Variants in GNA11 observed in about 807,000 individuals in gnomAD.
The protein encoded by GNA11 is G protein subunit alpha 11, also known as guanine nucleotide-binding protein subunit alpha-11.
In GNA11, 8 loss-of-function variants were observed where a neutral mutation model predicts 38.2. That is an observed-to-expected ratio of 0.21 (90% CI 0.12 to 0.38). The LOEUF (loss-of-function observed/expected upper bound fraction) is 0.38, where lower values mean the gene tolerates loss of function less well. GNA11 is among the 10% of genes least tolerant of loss of function. GNA11 has a pLI of 1.00. For missense variants in GNA11, 268 were observed against 516.3 expected (o/e 0.52, Z 4.66); for synonymous variants, 211 against 221.4 (o/e 0.95, Z 0.42).
intron 2 of GNA11, among the ~76,000 whole-genome samples, chr19:3,111,592 G>A (rs1913777362): frequency 2.0e-5 from 3 of 152,236 alleles, no homozygotes; most frequent in Non-Finnish European, 4.4e-5. Flanking sequence ...GCCTTCATGT[G>A]TGGGCTGTTG....
Position 3,094,939 on chromosome 19 carries a change from C to T in GNA11, c.136+152C>T, listed in dbSNP as rs1473782619. 6.1e-6 allele frequency: 3 copies of T among 495,634 alleles called. No individual in the cohort carries two copies. The highest frequency in any genetic ancestry group is 1.0e-5 in the Non-Finnish European group (3 of 293,246). The allele number at this position is 495,634 out of a possible 1,614,324, so 30.7% of individuals were successfully genotyped here. On this transcript the variant is annotated intron_variant, in intron 1 of 6. Transcript: ENST00000078429. The surrounding 1 kb of genome is among the most constrained non-coding windows in gnomAD (Gnocchi z 6.0). ...CGGGGTCAGCCCTGCCTGTGCCTTC[C>T]CTGCCTGTCCGGGTCGCGGGACCCT...
chr19:3,099,988 G>A (rs1271928852), intron 1 of GNA11, among the ~76,000 whole-genome samples: 2 of 151,630 alleles, frequency 1.3e-5, no homozygotes, highest in African/African-American at 4.8e-5. Context: ...CCATCCTGCC[G>A]CACGTGGGGA....
rs767308128 is a variant in GNA11, at chr19:3,119,046, A to G, written c.728A>G (p.Asp243Gly). ...TACGACCAAGTCCTGGTGGAGTCGG[A>G]CAACGAGGTGGGCCCTGCCCTGAGC... ...SEYDQVLVES[D>G]NENRMEESKA... Residue 243 changes from aspartate (D) to glycine (G), a missense_variant, in exon 5 of 7, where the codon GAC (aspartate) becomes GGC (glycine). Asp to Gly is a moderately conservative substitution (Grantham distance 94). Coordinates refer to ENST00000078429, the MANE Select transcript of GNA11 (RefSeq NM_002067.5). This position sits in a 1 kb window ranked among gnomAD's most constrained non-coding sequence, Gnocchi z 4.6. The G allele has an allele frequency of 3.1e-6, 5 of 1,613,790 alleles. No individual in the cohort carries two copies. In the South Asian group the frequency reaches 4.4e-5, roughly 14 times the overall value.
At chr19:3,099,783 C>T (rs1599296273) in intron 1 of GNA11, among the ~76,000 whole-genome samples, 2 of 152,196 alleles carry the variant, frequency 1.3e-5, no homozygotes, top group Non-Finnish European at 2.9e-5. Flanking sequence ...TGCCGACAGG[C>T]GCTTTCAGGA....
chr19:3,105,358 A>G (rs1022496507), intron 1 of GNA11, among the ~76,000 whole-genome samples: 2 of 114,980 alleles, frequency 1.7e-5, no homozygotes, highest in African/African-American at 6.9e-5. Context: ...ATGGTTCTGG[A>G]GGCTGGACGT....
At chr19:3,098,310 G>C (rs2084729477) in intron 1 of GNA11, among the ~76,000 whole-genome samples, 1 of 152,246 alleles carries the variant, frequency 6.6e-6, no homozygotes, top group South Asian at 2.1e-4. Flanking sequence ...CCGCCATCCT[G>C]GGGTCCGCCC....
chr19:3,101,051 C>T (rs765297947), intron 1 of GNA11, among the ~76,000 whole-genome samples: 12 of 152,120 alleles, frequency 7.9e-5, no homozygotes, highest in South Asian at 2.1e-4. Context: ...TGTCTGACCT[C>T]GGAGTTGGTG....
intron 3 of GNA11, among the ~76,000 whole-genome samples, 182 bp from the exon 4 acceptor site, chr19:3,114,762 C>T (rs990908598): frequency 2.0e-5 from 3 of 152,194 alleles, no homozygotes; most frequent in Admixed American, 6.5e-5. Context: ...GCTCGTATCC[C>T]GACCCCAGGG....
At chr19:3,115,278 A>ACG in intron 4 of GNA11, 1 of 515,942 alleles carries the variant, frequency 1.9e-6, no homozygotes, top group Non-Finnish European at 3.4e-6. Flanking sequence ...GGTTGTGTGC[A>ACG]CCTGTGGTCC....
chr19:3,097,166 G>A (rs1387818925), intron 1 of GNA11, among the ~76,000 whole-genome samples: 2 of 152,080 alleles, frequency 1.3e-5, no homozygotes, highest in African/African-American at 2.4e-5. Flanking sequence ...CAGCTAGAGG[G>A]TGGGGCCGAG....
rs1021225065 is a variant in GNA11 at position 3,123,499 on chromosome 19, G to A, written c.*2320G>A. 2 of 233,214 alleles carry A rather than the reference G, an allele frequency of 8.6e-6. No homozygotes were observed. Among genetic ancestry groups the A allele is most frequent in the African/African-American group, 4.4e-5 (2 of 45,370 alleles). The allele number at this position is 233,214 out of a possible 1,614,324, so 14.4% of individuals were successfully genotyped here. A position where few individuals can be genotyped will look rare whatever the true frequency, so the allele number is the denominator to read the frequency against. On this transcript the variant is annotated 3_prime_UTR_variant, in exon 7 of 7. Transcript: ENST00000078429. ...CCCTTGCCACGTGTGGGGCCACGTGGGCATGTGGGGTGTGTGTTTTTACCT... is the reference window on the plus strand; with the variant it reads ...CCCTTGCCACGTGTGGGGCCACGTGAGCATGTGGGGTGTGTGTTTTTACCT...
intron 1 of GNA11, among the ~76,000 whole-genome samples, chr19:3,100,924 G>C (rs907029078): frequency 6.6e-6 from 1 of 152,186 alleles, no homozygotes; most frequent in Non-Finnish European, 1.5e-5. Flanking sequence ...TGGCTGCTTT[G>C]CACCGAAAAG....
chr19:3,098,109 G>A (rs1014988176), intron 1 of GNA11, among the ~76,000 whole-genome samples: 1 of 152,198 alleles, frequency 6.6e-6, no homozygotes. Context: ...CGTCAAAGCC[G>A]TGTGTGTGTG....
Position 3,120,374 on chromosome 19 carries a change from C to T in GNA11, c.890-615C>T, listed in dbSNP as rs558144073. ...GGAGGCCAAGGGACTGGGGCATAGA[C>T]CCCTGTCCCACCAGTCCCCAGAGCA... is the stretch of plus-strand genomic sequence containing the variant. On this transcript the variant is annotated intron_variant, in intron 6 of 6. Coordinates refer to ENST00000078429, the MANE Select transcript of GNA11 (RefSeq NM_002067.5). This position sits in a 1 kb window ranked among gnomAD's most constrained non-coding sequence, Gnocchi z 5.9. Among the ~76,000 whole-genome samples the T allele has an allele frequency of 6.6e-6, 1 of 152,092 alleles. No individual in the cohort carries two copies. Among genetic ancestry groups the T allele is most frequent in the Non-Finnish European group, 1.5e-5 (1 of 67,988 alleles).
chr19:3,112,833 A>G (rs1244246606), intron 2 of GNA11, among the ~76,000 whole-genome samples: 8 of 152,232 alleles, frequency 5.3e-5, no homozygotes, highest in African/African-American at 1.7e-4. Context: ...CCGAGTCTGG[A>G]GCTGCACACT....
In GNA11 at chr19:3,110,255, G is replaced by A. The variant is rs1261175462; in HGVS notation, c.243G>A (p.Gln81=). The A allele has an allele frequency of 3.1e-6, 5 of 1,614,056 alleles. No homozygotes were observed. In the South Asian group the frequency reaches 4.4e-5, roughly 14 times the overall value. ...GCGGCTTCACCAAGCTCGTCTACCA[G>A]AACATCTTCACCGCCATGCAGGCCA... is the stretch of plus-strand genomic sequence containing the variant. The part of the protein sequence containing the change: ...DKRGFTKLVY[Q]NIFTAMQAMI... The change falls in exon 2 of 7, where the codon CAG becomes CAA. Residue 81 remains glutamine (Q), a synonymous_variant. Transcript: ENST00000078429. This position sits in a 1 kb window ranked among gnomAD's most constrained non-coding sequence, Gnocchi z 5.4.
chr19:3,096,305 G>A (rs1467887720), intron 1 of GNA11, among the ~76,000 whole-genome samples: 4 of 152,178 alleles, frequency 2.6e-5, no homozygotes, highest in Non-Finnish European at 4.4e-5. Context: ...AGGCAGAGCC[G>A]TGGTCCTCAC....
intron 3 of GNA11, among the ~76,000 whole-genome samples, chr19:3,114,660 C>A (rs1913861112): frequency 6.6e-6 from 1 of 152,326 alleles, no homozygotes; most frequent in Non-Finnish European, 1.5e-5. Flanking sequence ...ACTACAAACC[C>A]CCCGAACCAG....
intron 1 of GNA11, among the ~76,000 whole-genome samples, chr19:3,104,020 C>T (rs1245331231): frequency 1.3e-5 from 2 of 152,134 alleles, no homozygotes; most frequent in East Asian, 3.9e-4. Context: ...CGGGGTTTCA[C>T]CATGTTGGCT....
Sources: gnomAD v4.1 joint callset for allele counts (sites outside exome capture counted in the v4.1 genomes callset) on GRCh38, gnomAD v4.1.1 for gene constraint, Gnocchi (gnomAD v3.1) non-coding constraint, MANE v1.5 for transcripts, NCBI Gene and HGNC (gene_info 2026-07-23, HGNC 2026-07-21) for gene names.